Variants in ADCY1 observed in about 807,000 individuals in gnomAD.
ADCY1 encodes the protein adenylate cyclase 1.
In ADCY1, 28 loss-of-function variants were observed where a neutral mutation model predicts 105.4. The observed-to-expected ratio is 0.27, with a 90% CI of 0.20 to 0.36. The LOEUF is 0.36. ADCY1 is among the 10% of genes least tolerant of loss of function. The probability of loss-of-function intolerance (pLI) is 1.00; values close to 1 mark genes in which losing one functional copy is unlikely to be tolerated. For missense variants in ADCY1, 977 were observed against 1,434.2 expected (o/e 0.68, Z 5.15); for synonymous variants, 655 against 623.8 (o/e 1.05, Z -0.75).
intron 14 of ADCY1, among the ~76,000 whole-genome samples, chr7:45,698,001 AC>A (rs1486836465): frequency 1.2e-4 from 19 of 152,282 alleles, no homozygotes; most frequent in Non-Finnish European, 2.2e-4. Context: ...TGACATCACC[AC>A]AGCCTCATTT....
chr7:45,674,881 T>C (rs1015246164), intron 8 of ADCY1, among the ~76,000 whole-genome samples: 2 of 152,202 alleles, frequency 1.3e-5, no homozygotes, highest in African/African-American at 4.8e-5. Context: ...TAGATTAAAG[T>C]TTGCATGGTG....
At chr7:45,580,228 G>C (rs1351614153) in intron 1 of ADCY1, among the ~76,000 whole-genome samples, 2 of 152,186 alleles carry the variant, frequency 1.3e-5, no homozygotes, top group African/African-American at 4.8e-5. Flanking sequence ...GCTTTTCTCT[G>C]CCCCTCCACA....
At chr7:45,586,598 C>T (rs184146491) in intron 1 of ADCY1, among the ~76,000 whole-genome samples, 111 of 152,286 alleles carry the variant, frequency 7.3e-4, no homozygotes, top group Non-Finnish European at 1.3e-3. Flanking sequence ...CAAGCAATTA[C>T]GTTAATTTAA....
chr7:45,676,412 A>T (rs1380755697), intron 8 of ADCY1, among the ~76,000 whole-genome samples: 1 of 152,102 alleles, frequency 6.6e-6, no homozygotes, highest in African/African-American at 2.4e-5. Context: ...GCTTGATATT[A>T]TGAGTGGTTT....
At chr7:45,677,793 G>A in intron 8 of ADCY1, 76 bp from the exon 9 acceptor site, 1 of 1,480,218 alleles carries the variant, frequency 6.8e-7, no homozygotes. Flanking sequence ...GGATCTGGCT[G>A]GAGGGAGAGT....
At position 45,648,723 on chromosome 7, in the gene ADCY1, G is replaced by C. The variant is rs754027303; in HGVS notation, c.1074G>C (p.Ser358=). 3.7e-6 allele frequency: 6 copies of C among 1,614,014 alleles called. No individual in the cohort carries two copies. Among genetic ancestry groups the C allele is most frequent in the Non-Finnish European group, 5.1e-6 (6 of 1,180,024 alleles). ...TCGGGGACTGCTACTACTGCGTGTC[G>C]GGCCTCACCCAGCCCAAGACTGACC... is the stretch of plus-strand genomic sequence containing the variant. ...KILGDCYYCV[S]GLTQPKTDHA... Residue 358 remains serine (S), a synonymous_variant, in exon 5 of 20, where the codon TCG becomes TCC. Coordinates refer to ENST00000297323, the MANE Select transcript of ADCY1 (RefSeq NM_021116.4).
At position 45,662,213 on chromosome 7, in the gene ADCY1, A is replaced by G; in HGVS notation, c.1604A>G (p.Lys535Arg). Residue 535 changes from lysine to arginine, a missense_variant and splice_region_variant, in exon 8 of 20, where the codon AAG (lysine) becomes AGG (arginine). Lys to Arg is a conservative substitution (Grantham distance 26). Coordinates refer to ENST00000297323, the MANE Select transcript of ADCY1 (RefSeq NM_021116.4). ...SNVMTCEDDD[K>R]RRALRTASEK... ...GTCATGACCTGCGAGGACGATGACA[A>G]GGTAGGAGCAGCCAGGGAGCCTGCC... The G allele has an allele frequency of 6.2e-7, 1 of 1,611,966 alleles. No individual in the cohort carries two copies. The highest frequency in any genetic ancestry group is 8.5e-7 in the Non-Finnish European group (1 of 1,179,384).
rs1232813246 is a variant in ADCY1, at chr7:45,647,509, G to A, written c.1021-1161G>A. Among the ~76,000 whole-genome samples the A allele has an allele frequency of 6.6e-6, 1 of 152,196 alleles. No homozygotes were observed. Among genetic ancestry groups the A allele is most frequent in the Non-Finnish European group, 1.5e-5 (1 of 68,042 alleles). On this transcript the variant is annotated intron_variant, in intron 4 of 19. Transcript: ENST00000297323. This position sits in a 1 kb window ranked among gnomAD's most constrained non-coding sequence, Gnocchi z 4.6. Reference sequence around the variant, plus strand: ...TTCTCAGAGTGGCTGAAGGAGTTCTGTGGCCTTATAAGACCATTTCAGGGG... The same window carrying A: ...TTCTCAGAGTGGCTGAAGGAGTTCTATGGCCTTATAAGACCATTTCAGGGG...
At chr7:45,705,107 G>T (rs1168190575) in intron 17 of ADCY1, among the ~76,000 whole-genome samples, 1 of 152,180 alleles carries the variant, frequency 6.6e-6, no homozygotes, top group Non-Finnish European at 1.5e-5. Context: ...GAAAGCACCA[G>T]ATTGAGATAC....
At chr7:45,581,910 C>T (rs1006049912) in intron 1 of ADCY1, among the ~76,000 whole-genome samples, 10 of 152,104 alleles carry the variant, frequency 6.6e-5, no homozygotes, top group Non-Finnish European at 1.5e-4. Context: ...CACACTCATT[C>T]TCCCCCCAAA....
rs902862151 is a variant in ADCY1 at position 45,717,485 on chromosome 7, G to A, written c.*3490G>A. On this transcript the variant is annotated 3_prime_UTR_variant, in exon 20 of 20. Coordinates refer to ENST00000297323, the MANE Select transcript of ADCY1 (RefSeq NM_021116.4). ...TCATGTACAAATGTTAGAGCCATTC[G>A]GGTAGGATTCTCTCTAAATTATTTA... 2 of 152,498 alleles carry A rather than the reference G, an allele frequency of 1.3e-5. No individual in the cohort carries two copies. Among genetic ancestry groups the A allele is most frequent in the African/African-American group, 2.4e-5 (1 of 41,424 alleles). The allele number at this position is 152,498 out of a possible 1,614,324, so 9.4% of individuals were successfully genotyped here.
At chr7:45,689,505 G>A (rs1318518172) in intron 14 of ADCY1, among the ~76,000 whole-genome samples, 2 of 152,030 alleles carry the variant, frequency 1.3e-5, no homozygotes, top group African/African-American at 4.8e-5. Flanking sequence ...GGGGGTGGGG[G>A]GAAGGTGCCA....
In ADCY1 at chr7:45,678,320, T is replaced by C; in HGVS notation, c.1898+57T>C. 3 of 1,529,836 alleles carry C rather than the reference T, an allele frequency of 2.0e-6. No individual in the cohort carries two copies. In the South Asian group the frequency reaches 3.4e-5, roughly 17 times the overall value. 94.8% of individuals were successfully genotyped at this position (1,529,836 alleles called of 1,614,324 possible). On this transcript the variant is annotated intron_variant, in intron 10 of 19. Coordinates refer to ENST00000297323, the MANE Select transcript of ADCY1 (RefSeq NM_021116.4). ...CACCAAGAAGTCCCGGTTTCTGGGG[T>C]TCGTGGTTGTGTTTCTGGGGTTCGT... is the stretch of plus-strand genomic sequence containing the variant.
chr7:45,702,854 C>T (rs982696240), intron 14 of ADCY1, among the ~76,000 whole-genome samples: 1 of 152,202 alleles, frequency 6.6e-6, no homozygotes, highest in Non-Finnish European at 1.5e-5. Flanking sequence ...TGGATCTGCC[C>T]CTGCCCTAGG....
chr7:45,598,210 G>A (rs930646428), intron 2 of ADCY1, among the ~76,000 whole-genome samples: 1 of 152,322 alleles, frequency 6.6e-6, no homozygotes, highest in Non-Finnish European at 1.5e-5. Flanking sequence ...ATAACGGAGC[G>A]AATAATAGAG....
chr7:45,604,289 T>C (rs1793319140), intron 2 of ADCY1, among the ~76,000 whole-genome samples: 1 of 152,240 alleles, frequency 6.6e-6, no homozygotes, highest in Admixed American at 6.5e-5. Flanking sequence ...GAATATTTTC[T>C]CAAAACCTAT....
At chr7:45,597,324 C>T (rs577684462) in intron 2 of ADCY1, among the ~76,000 whole-genome samples, 2 of 152,342 alleles carry the variant, frequency 1.3e-5, no homozygotes, top group South Asian at 2.1e-4. Context: ...CTCTTCTCCA[C>T]TCTGTTTACG....
intron 8 of ADCY1, chr7:45,664,713 A>C: frequency 4.4e-6 from 1 of 229,270 alleles, no homozygotes; most frequent in African/African-American, 2.2e-5. Flanking sequence ...TTAATTGCCA[A>C]TATATCATAA....
At chr7:45,656,777 C>T (rs1246476517) in intron 5 of ADCY1, among the ~76,000 whole-genome samples, 2 of 152,208 alleles carry the variant, frequency 1.3e-5, no homozygotes, top group Non-Finnish European at 2.9e-5. Flanking sequence ...AATGGGACTC[C>T]AGGCTGAGCT....
Sources: allele counts gnomAD v4.1 joint callset (sites outside exome capture counted in the v4.1 genomes callset), GRCh38; gene constraint gnomAD v4.1.1; non-coding constraint Gnocchi (gnomAD v3.1); transcripts MANE v1.5; gene names NCBI Gene and HGNC (gene_info 2026-07-23, HGNC 2026-07-21).